EIF4G3: variants seen among roughly 807,000 people sequenced by gnomAD.
EIF4G3 encodes the protein eIF-4-gamma 3.
A neutral mutation model predicts 186.4 loss-of-function variants in EIF4G3; 34 were observed. The observed-to-expected ratio is 0.18, with a 90% confidence interval of 0.14 to 0.24. EIF4G3 has a LOEUF of 0.24. EIF4G3 is among the 10% of genes least tolerant of loss of function. The pLI, the probability that EIF4G3 is intolerant of heterozygous loss-of-function variation, is 1.00. For missense variants in EIF4G3, 1,536 were observed against 1,948.5 expected, an observed-to-expected ratio of 0.79 and a Z score of 3.99; for synonymous variants, 673 against 679.5, an observed-to-expected ratio of 0.99 and a Z score of 0.15.
At chr1:21,052,344 T>G (rs2154576891) in intron 3 of EIF4G3, among the ~76,000 whole-genome samples, 1 of 152,314 alleles carries the variant, frequency 6.6e-6, no homozygotes, top group South Asian at 2.1e-4. Context: ...TTCTGTCCTC[T>G]GCTAAAATGA....
intron 22 of EIF4G3, among the ~76,000 whole-genome samples, chr1:20,863,378 TAAAAAA>T (rs3051243): frequency 9.8e-6 from 1 of 102,476 alleles, no homozygotes; most frequent in African/African-American, 4.1e-5. Context: ...CTACAAAAAG[TAAAAAA>T]AAAAAAAAAA....
intron 2 of EIF4G3, among the ~76,000 whole-genome samples, chr1:21,090,314 C>G (rs1363487846): frequency 6.6e-6 from 1 of 152,046 alleles, no homozygotes; most frequent in African/African-American, 2.4e-5. Flanking sequence ...TGGTTAAAGA[C>G]TCTGATTATT....
In EIF4G3 at chr1:20,853,546, A is replaced by G. The variant is rs1478067702; in HGVS notation, c.3551+14T>C. On this transcript the variant is annotated intron_variant, in intron 27 of 36. Transcript: ENST00000602326. ...GGGCCAGCCTTGAGTAGACATAAAA[A>G]GCAGGGTTCTCACCTAGTTAAGGTC... 1.9e-6 allele frequency: 3 copies of G among 1,575,844 alleles called. No individual in the cohort carries two copies. The highest frequency in any genetic ancestry group is 2.6e-6 in the Non-Finnish European group (3 of 1,145,216).
chr1:20,918,571 A>G (rs2094164173), intron 14 of EIF4G3, among the ~76,000 whole-genome samples: 1 of 151,964 alleles, frequency 6.6e-6, no homozygotes. Flanking sequence ...AACATGCTTT[A>G]TTTTCACTTA....
intron 20 of EIF4G3, among the ~76,000 whole-genome samples, chr1:20,873,342 T>C (rs1419732899): frequency 1.3e-5 from 2 of 152,246 alleles, no homozygotes; most frequent in South Asian, 2.1e-4. Flanking sequence ...TTTCCTAGCA[T>C]ATGAGATATG....
chr1:21,097,398 T>C (rs1298854988), intron 2 of EIF4G3, among the ~76,000 whole-genome samples: 2 of 152,194 alleles, frequency 1.3e-5, no homozygotes, highest in Non-Finnish European at 1.5e-5. Flanking sequence ...TATCTCAAAC[T>C]GTTGTTCACA....
At chr1:21,171,196 A>G (rs1457347213) in intron 2 of EIF4G3, among the ~76,000 whole-genome samples, 2 of 152,138 alleles carry the variant, frequency 1.3e-5, no homozygotes, top group African/African-American at 4.8e-5. Flanking sequence ...CAGTTTATCC[A>G]TTGCTTAAAG....
At chr1:20,870,231 G>A (rs894551688) in intron 20 of EIF4G3, among the ~76,000 whole-genome samples, 1 of 151,482 alleles carries the variant, frequency 6.6e-6, no homozygotes, top group African/African-American at 2.4e-5. Flanking sequence ...TTTTTCTCTC[G>A]GTGTCTCTTC....
intron 4 of EIF4G3, among the ~76,000 whole-genome samples, chr1:21,040,659 T>C (rs980018583): frequency 6.6e-6 from 1 of 152,230 alleles, no homozygotes; most frequent in African/African-American, 2.4e-5. Flanking sequence ...GAGTTGAGAT[T>C]TGACCAATGA....
At chr1:21,056,303 T>C (rs746641188) in intron 3 of EIF4G3, among the ~76,000 whole-genome samples, 5 of 152,168 alleles carry the variant, frequency 3.3e-5, no homozygotes, top group Non-Finnish European at 5.9e-5. Flanking sequence ...TCTAAGAAAT[T>C]CTTCCTAGAA....
chr1:20,870,987 GTA>G (rs1553240479), intron 20 of EIF4G3, among the ~76,000 whole-genome samples: 1 of 152,136 alleles, frequency 6.6e-6, no homozygotes, highest in Non-Finnish European at 1.5e-5. Context: ...GTATGTGTGT[GTA>G]TACAGTACTA....
intron 3 of EIF4G3, among the ~76,000 whole-genome samples, chr1:21,080,698 T>C (rs915730916): frequency 6.6e-6 from 1 of 151,998 alleles, no homozygotes; most frequent in African/African-American, 2.4e-5. Context: ...TTAGTAGAGA[T>C]AGGGTTTCAC....
chr1:20,814,572 G>A (rs1314644376), intron 34 of EIF4G3, among the ~76,000 whole-genome samples: 5 of 151,970 alleles, frequency 3.3e-5, no homozygotes, highest in East Asian at 1.9e-4. Context: ...TTACTCAGAA[G>A]CATGTAACTA....
At chr1:20,895,261 T>C (rs1244280936) in intron 17 of EIF4G3, 107 bp downstream of exon 17, 3 of 1,245,390 alleles carry the variant, frequency 2.4e-6, no homozygotes, top group Admixed American at 4.6e-5. Context: ...TTTTACATCA[T>C]TTGGTCTAAC....
chr1:21,141,567 A>AAG (rs1020637353), intron 2 of EIF4G3, among the ~76,000 whole-genome samples: 102 of 152,250 alleles, frequency 6.7e-4, no homozygotes, highest in African/African-American at 2.3e-3. Context: ...AAGTGAAGAA[A>AAG]CAAGACAAAA....
At chr1:20,821,803 TCTTCC>T (rs2062446995) in intron 33 of EIF4G3, among the ~76,000 whole-genome samples, 1 of 152,194 alleles carries the variant, frequency 6.6e-6, no homozygotes, top group African/African-American at 2.4e-5. Context: ...TACTTCACCA[TCTTCC>T]CTATTATGTA....
At chr1:20,829,493 G>A (rs2154547678) in intron 30 of EIF4G3, among the ~76,000 whole-genome samples, 1 of 152,192 alleles carries the variant, frequency 6.6e-6, no homozygotes, top group East Asian at 1.9e-4. Context: ...TGCAAATAGG[G>A]CTAATACTCT....
intron 29 of EIF4G3, among the ~76,000 whole-genome samples, chr1:20,848,786 G>A (rs768758066): frequency 3.3e-5 from 5 of 151,750 alleles, no homozygotes; most frequent in South Asian, 2.1e-4. Context: ...GGTGGCTCAC[G>A]CCTGTAATCT....
At chr1:21,102,611 T>G in intron 2 of EIF4G3, among the ~76,000 whole-genome samples, 1 of 152,302 alleles carries the variant, frequency 6.6e-6, no homozygotes, top group East Asian at 1.9e-4. Context: ...AACTCAGGAT[T>G]AGGTTCTTAA....
Sources: gnomAD v4.1 joint callset for allele counts (sites outside exome capture counted in the v4.1 genomes callset) on GRCh38, gnomAD v4.1.1 for gene constraint, MANE v1.5 for transcripts, NCBI Gene and HGNC (gene_info 2026-07-23, HGNC 2026-07-21) for gene names.